Variants in HMGXB3 observed in about 807,000 individuals in gnomAD.
The protein encoded by HMGXB3 is HMG domain-containing protein 3.
A neutral mutation model predicts 121.5 loss-of-function variants in HMGXB3; 45 were observed. The observed-to-expected ratio is 0.37, with a 90% confidence interval of 0.29 to 0.47. The LOEUF (loss-of-function observed/expected upper bound fraction) is 0.47. Among genes scored for constraint, HMGXB3 ranks in the 20% least tolerant of loss-of-function variants. The pLI is 0.99. For missense variants in HMGXB3, 1,376 were observed against 1,602.2 expected (o/e 0.86, Z 2.41); for synonymous variants, 590 against 624.1 (o/e 0.95, Z 0.81).
chr5:150,023,080 C>G (rs898502733), intron 6 of HMGXB3, among the ~76,000 whole-genome samples: 3 of 148,516 alleles, frequency 2.0e-5, no homozygotes, highest in African/African-American at 7.5e-5. Context: ...CCTCTTGCCT[C>G]AGTTTCCCAA....
rs940633208 is a variant in HMGXB3 at position 150,006,458 on chromosome 5, T to C, written c.138-15T>C. On this transcript the variant is annotated splice_polypyrimidine_tract_variant and intron_variant, in intron 2 of 19. Coordinates refer to ENST00000502717, the MANE Select transcript of HMGXB3 (RefSeq NM_014983.3). ...CCATTACTGGGAAAGCCTGAAGAAG[T>C]CATTGCTTCCTCAGGTCTGCTTACC... 6.5e-7 allele frequency: 1 copy of C among 1,544,236 alleles called. No homozygotes were observed. The highest frequency in any genetic ancestry group is 2.4e-5 in the East Asian group (1 of 40,842).
intron 5 of HMGXB3, among the ~76,000 whole-genome samples, chr5:150,015,480 GTC>G (rs1055852538): frequency 2.0e-5 from 3 of 152,100 alleles, no homozygotes; most frequent in Admixed American, 6.6e-5. Flanking sequence ...AGAGATGGGG[GTC>G]TCTCTGTGTT....
Position 150,041,955 on chromosome 5 carries a change from C to T in HMGXB3, c.2716C>T (p.Leu906=). Residue 906 remains leucine, a synonymous_variant, in exon 15 of 20, where the codon CTG becomes TTG. Transcript: ENST00000502717. The part of the protein sequence containing the change: ...AQRSEENVLA[L]KSVEFTWPEF... ...GAGGAGTGAAGAGAATGTGCTAGCA[C>T]TGAAGAGCGTGGAGGTAAGTGCCTC... The T allele has an allele frequency of 6.4e-7, 1 of 1,551,466 alleles. No individual in the cohort carries two copies. Among genetic ancestry groups the T allele is most frequent in the Non-Finnish European group, 8.7e-7 (1 of 1,146,862 alleles).
At chr5:150,050,076 T>A (rs564110137) in intron 18 of HMGXB3, among the ~76,000 whole-genome samples, 176 bp from the exon 19 acceptor site, 1 of 152,288 alleles carries the variant, frequency 6.6e-6, no homozygotes, top group Non-Finnish European at 1.5e-5. Context: ...GCTGGTGACT[T>A]CATTTAAGGA....
In HMGXB3 at chr5:150,006,594, G is replaced by C; in HGVS notation, c.259G>C (p.Glu87Gln). ...SESWRLLSVA[E>Q]RSYYLEKAKL... The stretch of plus-strand genomic sequence containing the variant: ...GAGTTGGAGGCTTCTCAGCGTGGCC[G>C]AGAGGAGTTACTACTTGGAGAAAGC... Residue 87 changes from glutamate to glutamine, a missense_variant, in exon 3 of 20, where the codon GAG (glutamate) becomes CAG (glutamine). By Grantham distance (29) the Glu-to-Gln change is conservative (BLOSUM62 2). Around this residue, in one of 2 missense-constraint regions of HMGXB3, gnomAD observed 1,116 missense variants for 1,369.0 expected, o/e 0.82. Coordinates refer to ENST00000502717, the MANE Select transcript of HMGXB3 (RefSeq NM_014983.3). 1 of 1,552,316 alleles carries C rather than the reference G, an allele frequency of 6.4e-7. No homozygotes were observed. Among genetic ancestry groups the C allele is most frequent in the South Asian group, 1.2e-5 (1 of 84,060 alleles).
Position 150,040,868 on chromosome 5 carries a change from A to C in HMGXB3, c.2534A>C (p.Gln845Pro). ...VSINVVLKSV[Q>P]EQTEKTLTSE... ...ATCAATGTTGTTCTGAAGTCGGTGC[A>C]GGAGCAGACAGGTAAAAGTTGTTTT... The change falls in exon 14 of 20, where the codon CAG becomes CCG. Residue 845 changes from glutamine to proline, a missense_variant. Physicochemically the swap from Gln to Pro is moderately conservative, Grantham distance 76. This residue lies in a region of HMGXB3 where 1,116 missense variants were observed against 1,369.0 expected (regional missense o/e 0.82). Transcript: ENST00000502717. The C allele has an allele frequency of 6.5e-7, 1 of 1,548,910 alleles. No individual in the cohort carries two copies. The highest frequency in any genetic ancestry group is 8.7e-7 in the Non-Finnish European group (1 of 1,146,034).
At chr5:150,011,384 T>C (rs9324637) in intron 4 of HMGXB3, among the ~76,000 whole-genome samples, 128,118 of 152,096 alleles carry the variant, frequency 0.84, 54,400 homozygotes, top group African/African-American at 0.96. Context: ...ATATAACCTG[T>C]CCTCTATAAC....
At position 150,040,584 on chromosome 5, in the gene HMGXB3, C is replaced by T. The variant is rs142015074; in HGVS notation, c.2414-164C>T. On this transcript the variant is annotated intron_variant, in intron 13 of 19. Transcript: ENST00000502717. Reference sequence around the variant, plus strand: ...TGAGATGGAGTCTCTCACTGTGTTACCCAAGCTAGTCGACAACTCCTGGGC... The same window carrying T: ...TGAGATGGAGTCTCTCACTGTGTTATCCAAGCTAGTCGACAACTCCTGGGC... Among the ~76,000 whole-genome samples the T allele has an allele frequency of 3.2e-3, 485 of 151,666 alleles. 4 individuals carry two copies. The highest frequency in any genetic ancestry group is 4.9e-3 in the African/African-American group (203 of 41,336).
At chr5:150,037,307 A>G in intron 12 of HMGXB3, 93 bp from the exon 13 acceptor site, 1 of 1,256,314 alleles carries the variant, frequency 8.0e-7, no homozygotes. Flanking sequence ...AGCTCCAGCA[A>G]ATGAGAATTT....
At chr5:150,029,475 C>T (rs1001080909) in intron 9 of HMGXB3, among the ~76,000 whole-genome samples, 3 of 152,028 alleles carry the variant, frequency 2.0e-5, no homozygotes, top group Non-Finnish European at 4.4e-5. Context: ...CCTAAGTTAG[C>T]ATTTTTCAAG....
Position 150,041,960 on chromosome 5 carries a change from G to A in HMGXB3, c.2721G>A (p.Lys907=). The A allele has an allele frequency of 1.3e-6, 2 of 1,551,016 alleles. No homozygotes were observed. The highest frequency in any genetic ancestry group is 1.7e-6 in the Non-Finnish European group (2 of 1,146,510). ...QRSEENVLAL[K]SVEFTWPEFL... is the part of the protein sequence containing the mutation. ...GTGAAGAGAATGTGCTAGCACTGAA[G>A]AGCGTGGAGGTAAGTGCCTCTTAGC... Residue 907 remains lysine, a synonymous_variant, in exon 15 of 20, where the codon AAG becomes AAA. Transcript: ENST00000502717.
Position 150,024,577 on chromosome 5 carries a change from A to G in HMGXB3, c.1357A>G (p.Thr453Ala), listed in dbSNP as rs1156323960. 1.3e-6 allele frequency: 2 copies of G among 1,551,690 alleles called. No homozygotes were observed. Among genetic ancestry groups the G allele is most frequent in the Non-Finnish European group, 1.7e-6 (2 of 1,146,990 alleles). ...CAAAAGTGGTGTGCAGCCTGAGGTCACTCTGGGGACAACTGACAATGACAG... is the reference window on the plus strand; with the variant it reads ...CAAAAGTGGTGTGCAGCCTGAGGTCGCTCTGGGGACAACTGACAATGACAG... ...VVKSGVQPEVTLGTTDNDSPG... is the reference protein window; with the variant it reads ...VVKSGVQPEVALGTTDNDSPG... The change falls in exon 7 of 20, where the codon ACT becomes GCT. Residue 453 changes from threonine to alanine, a missense_variant. Physicochemically the swap from Thr to Ala is moderately conservative, Grantham distance 58 (BLOSUM62 0). This residue lies in a region of HMGXB3 where 1,116 missense variants were observed against 1,369.0 expected (regional missense o/e 0.82). Coordinates refer to ENST00000502717, the MANE Select transcript of HMGXB3 (RefSeq NM_014983.3).
chr5:150,032,638 G>A (rs1353508010), intron 11 of HMGXB3, 35 bp downstream of exon 11: 1 of 1,550,466 alleles, frequency 6.4e-7, no homozygotes, highest in Non-Finnish European at 8.7e-7. Flanking sequence ...CCCCTGGCCT[G>A]TTCTGGGCTC....
chr5:150,041,372 A>T (rs1357371171), intron 14 of HMGXB3, among the ~76,000 whole-genome samples: 1 of 152,216 alleles, frequency 6.6e-6, no homozygotes, highest in African/African-American at 2.4e-5. Context: ...AGTAGAGCCT[A>T]CTAGAGTTAC....
intron 11 of HMGXB3, among the ~76,000 whole-genome samples, chr5:150,034,322 T>G (rs1756451853): frequency 6.6e-6 from 1 of 152,194 alleles, no homozygotes; most frequent in Non-Finnish European, 1.5e-5. Context: ...TGTCTGTTTT[T>G]CCTGCACCTT....
At chr5:150,018,112 G>A (rs1428070246) in intron 5 of HMGXB3, among the ~76,000 whole-genome samples, 1 of 152,194 alleles carries the variant, frequency 6.6e-6, no homozygotes, top group Admixed American at 6.5e-5. Context: ...GGGTGCAGCT[G>A]GATGCATAGA....
At chr5:150,023,872 C>A (rs1305678740) in intron 6 of HMGXB3, among the ~76,000 whole-genome samples, 1 of 152,226 alleles carries the variant, frequency 6.6e-6, no homozygotes, top group East Asian at 1.9e-4. Context: ...CCAAGGTGAA[C>A]AACTTAGGGC....
At position 150,052,155 on chromosome 5, in the gene HMGXB3, A is replaced by G. The variant is rs1289181093; in HGVS notation, c.3842A>G (p.Glu1281Gly). The G allele has an allele frequency of 6.5e-7, 1 of 1,548,556 alleles. No individual in the cohort carries two copies. ...VAQIKTETEEEGEEEEVAAVA... is the reference protein window; with the variant it reads ...VAQIKTETEEGGEEEEVAAVA... ...CAGATCAAGACAGAGACAGAGGAGG[A>G]GGGTGAGGAAGAGGAGGTGGCCGCA... Residue 1281 changes from glutamate (E) to glycine (G), a missense_variant, in exon 20 of 20, where the codon GAG becomes GGG. Physicochemically the swap from Glu to Gly is moderately conservative, Grantham distance 98. Transcript: ENST00000502717.
At position 150,010,293 on chromosome 5, in the gene HMGXB3, C is replaced by T. The variant is rs755029010; in HGVS notation, c.495C>T (p.Ser165=). 4.4e-5 allele frequency: 69 copies of T among 1,551,634 alleles called. No homozygotes were observed. Among genetic ancestry groups the T allele is most frequent in the Non-Finnish European group, 5.5e-5 (63 of 1,147,024 alleles). ...QMSPKGPPLV[S]NTAPETVPSH... is the part of the protein sequence containing the mutation. The stretch of plus-strand genomic sequence containing the variant: ...CCCCGAAAGGACCTCCTCTTGTGTC[C>T]AACACTGCCCCGGAGACAGTGCCCA... Residue 165 remains serine (S), a synonymous_variant, in exon 4 of 20, where the codon TCC becomes TCT. Coordinates refer to ENST00000502717, the MANE Select transcript of HMGXB3 (RefSeq NM_014983.3).
Sources: allele counts gnomAD v4.1 joint callset (sites outside exome capture counted in the v4.1 genomes callset), GRCh38; gene constraint gnomAD v4.1.1; regional missense constraint gnomAD v4.1.1; transcripts MANE v1.5; gene names NCBI Gene and HGNC (gene_info 2026-07-23, HGNC 2026-07-21).